SLC4A4: variants seen among roughly 807,000 people sequenced by gnomAD.
The protein encoded by SLC4A4 is electrogenic sodium bicarbonate cotransporter 1.
In SLC4A4, 27 loss-of-function variants were observed where a neutral mutation model predicts 111.5. The observed-to-expected ratio is 0.24, with a 90% CI of 0.18 to 0.33. The LOEUF (loss-of-function observed/expected upper bound fraction) is 0.33, where lower values mean the gene tolerates loss of function less well. Among genes scored for constraint, SLC4A4 ranks in the 10% least tolerant of loss-of-function variants. The pLI is 1.00. For missense variants in SLC4A4, 909 were observed against 1,315.5 expected, an observed-to-expected ratio of 0.69 and a Z score of 4.78; for synonymous variants, 443 against 463.4, an observed-to-expected ratio of 0.96 and a Z score of 0.57.
At chr4:71,252,307 G>A (rs1370357495) in intron 2 of SLC4A4, among the ~76,000 whole-genome samples, 2 of 152,188 alleles carry the variant, frequency 1.3e-5, no homozygotes, top group Non-Finnish European at 2.9e-5. Context: ...GAGACAGCAT[G>A]TCTGTATTAC....
chr4:71,380,145 G>A (rs1469711264), intron 6 of SLC4A4, among the ~76,000 whole-genome samples: 2 of 152,220 alleles, frequency 1.3e-5, no homozygotes, highest in Non-Finnish European at 2.9e-5. Context: ...CTGCTTTTCT[G>A]TGGCTGCTGA....
chr4:71,197,112 G>T (rs1264356437), intron 1 of SLC4A4, among the ~76,000 whole-genome samples: 1 of 151,970 alleles, frequency 6.6e-6, no homozygotes, highest in African/African-American at 2.4e-5. Flanking sequence ...CTACTTGGGA[G>T]GCTAAGACAG....
chr4:71,565,868 G>T (rs1294664671), intron 24 of SLC4A4, among the ~76,000 whole-genome samples: 1 of 151,686 alleles, frequency 6.6e-6, no homozygotes, highest in Non-Finnish European at 1.5e-5. Flanking sequence ...TTTACCTGTG[G>T]GTATCTCCGT....
intron 16 of SLC4A4, among the ~76,000 whole-genome samples, chr4:71,520,024 T>C (rs1732783685): frequency 6.6e-6 from 1 of 152,210 alleles, no homozygotes; most frequent in Non-Finnish European, 1.5e-5. Context: ...GTGGTTTCTG[T>C]AGGTAGGTGC....
At chr4:71,448,541 A>G (rs1725469290) in intron 9 of SLC4A4, among the ~76,000 whole-genome samples, 1 of 152,186 alleles carries the variant, frequency 6.6e-6, no homozygotes, top group Non-Finnish European at 1.5e-5. Context: ...GGAAGGAATG[A>G]TACACATCTA....
intron 24 of SLC4A4, among the ~76,000 whole-genome samples, chr4:71,565,151 C>A (rs950326268): frequency 6.6e-6 from 1 of 151,840 alleles, no homozygotes; most frequent in Non-Finnish European, 1.5e-5. Flanking sequence ...ACTTGGGGTA[C>A]GCCCTATGTA....
intron 2 of SLC4A4, among the ~76,000 whole-genome samples, chr4:71,162,548 C>G (rs183849014): frequency 1.3e-5 from 2 of 152,310 alleles, no homozygotes; most frequent in Admixed American, 1.3e-4. Context: ...TCTCTTATTG[C>G]TCCTTGTCCT....
intron 3 of SLC4A4, among the ~76,000 whole-genome samples, chr4:71,269,361 A>G (rs1578718479): frequency 6.6e-6 from 1 of 152,182 alleles, no homozygotes; most frequent in Non-Finnish European, 1.5e-5. Flanking sequence ...CTTTTACCGT[A>G]TTTGAAATTC....
At chr4:71,245,766 GATGAT>G (rs1378954186) in intron 2 of SLC4A4, among the ~76,000 whole-genome samples, 1 of 152,110 alleles carries the variant, frequency 6.6e-6, no homozygotes, top group African/African-American at 2.4e-5. Context: ...CATAGGAATG[GATGAT>G]ATTGCCCAGG....
intron 16 of SLC4A4, among the ~76,000 whole-genome samples, chr4:71,529,801 G>T (rs1486678923): frequency 1.3e-5 from 2 of 152,084 alleles, no homozygotes; most frequent in African/African-American, 4.8e-5. Context: ...TAGGATATTT[G>T]TGTTGCCCAC....
chr4:71,379,389 T>A (rs1443266277), intron 6 of SLC4A4, among the ~76,000 whole-genome samples: 1 of 152,162 alleles, frequency 6.6e-6, no homozygotes, highest in Non-Finnish European at 1.5e-5. Context: ...TGCCTTGCAA[T>A]CTCTCTATCA....
At chr4:71,567,113 T>C (rs745826520) in intron 25 of SLC4A4, 30 bp downstream of exon 25, 2 of 1,550,450 alleles carry the variant, frequency 1.3e-6, no homozygotes, top group Non-Finnish European at 1.8e-6. Flanking sequence ...TTTATGTTTT[T>C]CTGTGGGATA....
intron 14 of SLC4A4, among the ~76,000 whole-genome samples, chr4:71,481,961 C>A (rs560754728): frequency 2.6e-4 from 39 of 151,614 alleles, no homozygotes; most frequent in Non-Finnish European, 5.0e-4. Context: ...AGCCAGGATG[C>A]TGAGTAAATG....
At chr4:71,171,695 C>G (rs1489824710) in intron 2 of SLC4A4, among the ~76,000 whole-genome samples, 1 of 152,144 alleles carries the variant, frequency 6.6e-6, no homozygotes, top group East Asian at 1.9e-4. Context: ...AGTACAGCAC[C>G]ACTATACCTA....
chr4:71,307,223 A>G (rs1190505581), intron 3 of SLC4A4, among the ~76,000 whole-genome samples: 1 of 152,212 alleles, frequency 6.6e-6, no homozygotes, highest in Non-Finnish European at 1.5e-5. Context: ...AGTAGCTTCC[A>G]TCTAGGGTTT....
At chr4:71,439,009 A>T (rs1422329648) in intron 7 of SLC4A4, among the ~76,000 whole-genome samples, 1 of 151,994 alleles carries the variant, frequency 6.6e-6, no homozygotes, top group Non-Finnish European at 1.5e-5. Flanking sequence ...ATCTCAGAAA[A>T]AAAAAAAAGA....
chr4:71,348,034 T>G (rs1729484805), intron 4 of SLC4A4, among the ~76,000 whole-genome samples: 1 of 152,162 alleles, frequency 6.6e-6, no homozygotes. Context: ...AATTATAGCA[T>G]CATATATAAA....
intron 2 of SLC4A4, among the ~76,000 whole-genome samples, chr4:71,109,838 C>T (rs985812215): frequency 5.3e-5 from 8 of 152,220 alleles, no homozygotes; most frequent in Middle Eastern, 3.4e-3. Context: ...CCACCACACC[C>T]GGCAATTTTT....
chr4:71,146,801 C>T (rs1002931770), intron 2 of SLC4A4, among the ~76,000 whole-genome samples: 1 of 152,124 alleles, frequency 6.6e-6, no homozygotes, highest in Non-Finnish European at 1.5e-5. Context: ...ACTGTAACGA[C>T]CATCAAGGCT....
Sources: allele counts gnomAD v4.1 joint callset (sites outside exome capture counted in the v4.1 genomes callset), GRCh38; gene constraint gnomAD v4.1.1; transcripts MANE v1.5; gene names NCBI Gene and HGNC (gene_info 2026-07-23, HGNC 2026-07-21).